EBF2: variants seen among roughly 807,000 people sequenced by gnomAD.
The protein encoded by EBF2 is EBF transcription factor 2, also known as transcription factor COE2.
In EBF2, 21 loss-of-function variants were observed where a neutral mutation model predicts 72.8. That is an observed-to-expected ratio of 0.29 (90% CI 0.20 to 0.42). EBF2 has a LOEUF of 0.42. EBF2 is among the 10% of genes least tolerant of loss of function. EBF2 has a pLI of 1.00. For missense variants in EBF2, 637 were observed against 731.2 expected (o/e 0.87, Z 1.49); for synonymous variants, 299 against 274.2 (o/e 1.09, Z -0.89).
rs74840882 is a variant in EBF2, at chr8:25,926,217, C to T, written c.552-17662G>A. On this transcript the variant is annotated intron_variant, in intron 6 of 15. Coordinates refer to ENST00000520164, the MANE Select transcript of EBF2 (RefSeq NM_022659.4). ...GGGAGGGAGATCTCGTTGCTCTCGC[C>T]GTATGGTGGCCTGGTTGAGAAGTCG... is the stretch of plus-strand genomic sequence containing the variant. 2.8e-3 allele frequency among the ~76,000 whole-genome samples: 427 copies of T among 152,136 alleles called. 2 individuals carry two copies. The highest frequency in any genetic ancestry group is 9.8e-3 in the African/African-American group (405 of 41,498).
Position 26,042,232 on chromosome 8 carries a change from C to T in EBF2, c.151G>A (p.Ala51Thr). ...AAQSGVALSR[A>T]HFEKQPPSNL... The stretch of plus-strand genomic sequence containing the variant: ...GAAGGAGGCTGTTTCTCAAAGTGGG[C>T]CCGGGACAGGGCGACCCCGCTGCAC... Residue 51 changes from alanine to threonine, a missense_variant, in exon 2 of 16, where the codon GCC becomes ACC. Physicochemically the swap from Ala to Thr is moderately conservative, Grantham distance 58. Coordinates refer to ENST00000520164, the MANE Select transcript of EBF2 (RefSeq NM_022659.4). 1.9e-6 allele frequency: 3 copies of T among 1,613,824 alleles called. No homozygotes were observed. Among genetic ancestry groups the T allele is most frequent in the Non-Finnish European group, 2.5e-6 (3 of 1,179,874 alleles).
At chr8:25,867,003 T>C (rs1408759152) in intron 10 of EBF2, among the ~76,000 whole-genome samples, 1 of 152,204 alleles carries the variant, frequency 6.6e-6, no homozygotes, top group African/African-American at 2.4e-5. Flanking sequence ...TTTCTTGGTA[T>C]ATATCTAAAT....
At chr8:25,889,649 T>C in intron 8 of EBF2, 103 bp downstream of exon 8, 1 of 890,428 alleles carries the variant, frequency 1.1e-6, no homozygotes, top group African/African-American at 1.7e-5. Context: ...CATTGTTCTG[T>C]GTACTTTCTC....
chr8:25,891,580 A>G (rs1410201037), intron 7 of EBF2, among the ~76,000 whole-genome samples: 1 of 139,310 alleles, frequency 7.2e-6, no homozygotes, highest in Non-Finnish European at 1.6e-5. Flanking sequence ...ATCCTGTCGT[A>G]TTTTTTTTTT....
intron 6 of EBF2, among the ~76,000 whole-genome samples, chr8:25,967,478 C>G (rs1804133016): frequency 6.6e-6 from 1 of 152,142 alleles, no homozygotes. Context: ...TTACATTAGC[C>G]TATAGTTGGG....
chr8:25,897,459 C>T (rs1802878945), intron 7 of EBF2, among the ~76,000 whole-genome samples: 1 of 151,994 alleles, frequency 6.6e-6, no homozygotes, highest in South Asian at 2.1e-4. Flanking sequence ...ATGATCCTGT[C>T]ACCCAGGTAG....
intron 6 of EBF2, among the ~76,000 whole-genome samples, chr8:25,939,566 G>C (rs1803635090): frequency 6.6e-6 from 1 of 152,174 alleles, no homozygotes; most frequent in Non-Finnish European, 1.5e-5. Flanking sequence ...TGTGCTTATT[G>C]GTAAAATGGA....
At chr8:25,999,690 C>A (rs556516486) in intron 6 of EBF2, among the ~76,000 whole-genome samples, 1 of 151,534 alleles carries the variant, frequency 6.6e-6, no homozygotes, top group Admixed American at 6.6e-5. Flanking sequence ...CCCCCATATC[C>A]ACACACGCCC....
chr8:25,918,566 T>C (rs1585195137), intron 6 of EBF2, among the ~76,000 whole-genome samples: 1 of 152,268 alleles, frequency 6.6e-6, no homozygotes, highest in Non-Finnish European at 1.5e-5. Flanking sequence ...GCACAGATTT[T>C]TTTTTAATTT....
At chr8:25,886,009 G>A (rs1188679967) in intron 10 of EBF2, among the ~76,000 whole-genome samples, 2 of 152,086 alleles carry the variant, frequency 1.3e-5, no homozygotes, top group African/African-American at 4.8e-5. Context: ...TTCCCATAGT[G>A]AGAACATTCT....
At chr8:25,962,376 G>A (rs1284118737) in intron 6 of EBF2, among the ~76,000 whole-genome samples, 1 of 152,116 alleles carries the variant, frequency 6.6e-6, no homozygotes, top group East Asian at 1.9e-4. Context: ...AGCCCCTCCA[G>A]AAGCAAGAAG....
intron 6 of EBF2, among the ~76,000 whole-genome samples, chr8:25,977,512 C>T (rs1437656562): frequency 6.6e-6 from 1 of 152,128 alleles, no homozygotes; most frequent in Non-Finnish European, 1.5e-5. Context: ...TCTCTCGCCC[C>T]CAGCTATGTT....
intron 6 of EBF2, among the ~76,000 whole-genome samples, chr8:26,012,839 A>G (rs1016312388): frequency 6.6e-6 from 1 of 152,178 alleles, no homozygotes; most frequent in African/African-American, 2.4e-5. Context: ...TGAAGCATCA[A>G]ACAAAGTCTT....
intron 6 of EBF2, among the ~76,000 whole-genome samples, chr8:26,014,613 C>T (rs1805078696): frequency 6.6e-6 from 1 of 152,164 alleles, no homozygotes; most frequent in African/African-American, 2.4e-5. Context: ...TCTCTTTGTC[C>T]TTGCCACTGA....
intron 13 of EBF2, 96 bp downstream of exon 13, chr8:25,860,953 T>C (rs1226128093): frequency 2.3e-6 from 3 of 1,324,140 alleles, no homozygotes. Flanking sequence ...GGACACACTC[T>C]GTTGGACCAT....
At chr8:25,849,022 C>T (rs975548425) in intron 15 of EBF2, among the ~76,000 whole-genome samples, 18 of 152,134 alleles carry the variant, frequency 1.2e-4, no homozygotes, top group Non-Finnish European at 2.1e-4. Context: ...AACCACTGGT[C>T]TTTGATGAAA....
At chr8:26,033,977 G>T (rs1805451653) in intron 5 of EBF2, among the ~76,000 whole-genome samples, 1 of 152,164 alleles carries the variant, frequency 6.6e-6, no homozygotes, top group Non-Finnish European at 1.5e-5. Flanking sequence ...CGGAAGGTTG[G>T]ATATTAAGAT....
rs772378090 is a variant in EBF2, at chr8:26,040,087, C to T, written c.423G>A (p.Glu141=). The change falls in exon 5 of 16, where the codon GAG becomes GAA. Residue 141 remains glutamate (E), a synonymous_variant. Coordinates refer to ENST00000520164, the MANE Select transcript of EBF2 (RefSeq NM_022659.4). ...ACATTTCCGGATTCTTATTCTGTCC[C>T]TCGTAAGCGATGGGCTGTGAAGGAG... ...DSVTKQPIAY[E]GQNKNPEMCR... is the part of the protein sequence containing the mutation. 9.9e-6 allele frequency: 16 copies of T among 1,613,798 alleles called. No homozygotes were observed. The highest frequency in any genetic ancestry group is 1.4e-5 in the Non-Finnish European group (16 of 1,179,920).
chr8:25,882,281 G>T (rs1430322819), intron 10 of EBF2, among the ~76,000 whole-genome samples: 1 of 152,140 alleles, frequency 6.6e-6, no homozygotes, highest in Non-Finnish European at 1.5e-5. Context: ...CCACAGCCCC[G>T]TCGCATGCCC....
Sources: allele counts gnomAD v4.1 joint callset (sites outside exome capture counted in the v4.1 genomes callset), GRCh38; gene constraint gnomAD v4.1.1; transcripts MANE v1.5; gene names NCBI Gene and HGNC (gene_info 2026-07-23, HGNC 2026-07-21).